MOB2: variants seen among roughly 807,000 people sequenced by gnomAD.
The protein encoded by MOB2 is MOB2 Mps One Binder homolog.
A neutral mutation model predicts 27.4 loss-of-function variants in MOB2; 14 were observed. The ratio of observed to expected loss-of-function variants is 0.51; its 90% CI spans 0.34 to 0.80. The LOEUF (loss-of-function observed/expected upper bound fraction) is 0.80, where lower values mean the gene tolerates loss of function less well. Ranked by LOEUF, MOB2 falls within the 30% of genes least tolerant of loss-of-function variation. The pLI is 0.01. For synonymous variants in MOB2, 167 were observed against 151.8 expected (o/e 1.10, Z -0.74); for missense variants, 304 against 354.6 (o/e 0.86, Z 1.15).
intron 3 of MOB2, among the ~76,000 whole-genome samples, chr11:1,476,458 C>T (rs1391449554): frequency 6.6e-6 from 1 of 152,210 alleles, no homozygotes; most frequent in African/African-American, 2.4e-5. Flanking sequence ...CTCTTTACAT[C>T]CACAGGGTTT....
At chr11:1,478,599 C>T (rs1446059649) in intron 3 of MOB2, among the ~76,000 whole-genome samples, 1 of 152,152 alleles carries the variant, frequency 6.6e-6, no homozygotes, top group Non-Finnish European at 1.5e-5. Flanking sequence ...GGATGGCTGC[C>T]AAGGGCTTTT....
intron 1 of MOB2, among the ~76,000 whole-genome samples, chr11:1,484,924 G>T (rs1176600008): frequency 6.6e-6 from 1 of 152,162 alleles, no homozygotes; most frequent in Non-Finnish European, 1.5e-5. Flanking sequence ...CAGGTCAGCA[G>T]CCCCAGACAA....
intron 3 of MOB2, among the ~76,000 whole-genome samples, chr11:1,473,813 C>A (rs142719500): frequency 6.6e-6 from 1 of 152,238 alleles, no homozygotes; most frequent in Non-Finnish European, 1.5e-5. Flanking sequence ...GGACACGCGG[C>A]GGCTTACGTG....
intron 3 of MOB2, among the ~76,000 whole-genome samples, chr11:1,473,771 CAT>C (rs1285159557): frequency 6.6e-6 from 1 of 152,256 alleles, no homozygotes; most frequent in Non-Finnish European, 1.5e-5. Context: ...TTTTTATCCA[CAT>C]GTGGACTCAC....
chr11:1,471,608 T>C (rs1237258705), intron 3 of MOB2, 189 bp from the exon 4 acceptor site: 2 of 614,594 alleles, frequency 3.3e-6, no homozygotes, highest in African/African-American at 1.9e-5. Flanking sequence ...CACTGCACTC[T>C]ATGGAGGGGT....
Position 1,486,512 on chromosome 11 carries a change from G to A in MOB2, c.45C>T (p.Pro15=), listed in dbSNP as rs886674629. ...HCSLPEDQAR[P]GQSLQSGLCC... ...AGAGTCCACTTTGCAGGGACTGGCC[G>A]GGCCGGGCTTGGTCTTCAGGGAGAC... The change falls in exon 1 of 5, where the codon CCC becomes CCT. Residue 15 remains proline (P), a synonymous_variant. Transcript: ENST00000329957. 38 of 1,534,348 alleles carry A rather than the reference G, an allele frequency of 2.5e-5. No homozygotes were observed. Among genetic ancestry groups the A allele is most frequent in the Middle Eastern group, 3.3e-4 (2 of 5,984 alleles).
rs539495100 is a variant in MOB2 at position 1,483,988 on chromosome 11, G to A, written c.110+2459C>T. 8.1e-4 allele frequency among the ~76,000 whole-genome samples: 123 copies of A among 152,278 alleles called. 6 individuals are homozygous for A. In the South Asian group the frequency reaches 0.024, roughly 30 times the overall value. ...GCAGGGGGAGCTGGGGAGTGGGCTGGGAGCCGCCCACTCCTCATCCGCCCT... is the reference window on the plus strand; with the variant it reads ...GCAGGGGGAGCTGGGGAGTGGGCTGAGAGCCGCCCACTCCTCATCCGCCCT... On this transcript the variant is annotated intron_variant, in intron 1 of 4. Transcript: ENST00000329957.
intron 3 of MOB2, among the ~76,000 whole-genome samples, chr11:1,476,034 C>A (rs1173325529): frequency 6.6e-6 from 1 of 152,174 alleles, no homozygotes; most frequent in South Asian, 2.1e-4. Flanking sequence ...CCTGGCACTG[C>A]GGCAGTGGAT....
chr11:1,475,541 C>T (rs192666395), intron 3 of MOB2, among the ~76,000 whole-genome samples: 18 of 152,334 alleles, frequency 1.2e-4, no homozygotes, highest in East Asian at 5.8e-4. Context: ...AGTGATCCAC[C>T]GCCTCAGCCT....
chr11:1,473,975 G>T (rs557802798), intron 3 of MOB2, among the ~76,000 whole-genome samples: 2 of 5,000 alleles, frequency 4.0e-4, no homozygotes, highest in East Asian at 0.5. Flanking sequence ...CAGACGTGTC[G>T]GAAGTCCACG....
intron 3 of MOB2, among the ~76,000 whole-genome samples, chr11:1,477,672 C>T (rs576573682): frequency 6.6e-6 from 1 of 152,242 alleles, no homozygotes; most frequent in East Asian, 1.9e-4. Context: ...GGTCAGTGCC[C>T]CCTTCCTGGT....
At chr11:1,474,416 GC>G (rs1847830831) in intron 3 of MOB2, among the ~76,000 whole-genome samples, 1 of 152,178 alleles carries the variant, frequency 6.6e-6, no homozygotes, top group South Asian at 2.1e-4. Flanking sequence ...GAATTTTGCT[GC>G]CTAGTGTCAG....
Position 1,486,639 on chromosome 11 carries a change from T to C in MOB2, c.-83A>G. Reference sequence around the variant, plus strand: ...CTCGCAAATGCCTGCTGCCGGGCCCTCCAGCCTCACTCCCTGGCCAATGGG... The same window carrying C: ...CTCGCAAATGCCTGCTGCCGGGCCCCCCAGCCTCACTCCCTGGCCAATGGG... On this transcript the variant is annotated 5_prime_UTR_variant, in exon 1 of 5. Coordinates refer to ENST00000329957, the MANE Select transcript of MOB2 (RefSeq NM_001172223.3). 2.2e-6 allele frequency: 2 copies of C among 890,312 alleles called. No individual in the cohort carries two copies. Among genetic ancestry groups the C allele is most frequent in the Non-Finnish European group, 3.5e-6 (2 of 572,486 alleles). The allele number at this position is 890,312 out of a possible 1,614,324, so 55.2% of individuals were successfully genotyped here.
At chr11:1,483,553 C>T (rs931593145) in intron 1 of MOB2, among the ~76,000 whole-genome samples, 4 of 152,220 alleles carry the variant, frequency 2.6e-5, no homozygotes, top group African/African-American at 9.6e-5. Context: ...TTCCTGCCTC[C>T]CACACACTCA....
chr11:1,484,149 G>A (rs562165313), intron 1 of MOB2, among the ~76,000 whole-genome samples: 10 of 152,280 alleles, frequency 6.6e-5, no homozygotes, highest in Admixed American at 2.6e-4. Flanking sequence ...ACCCCCACTC[G>A]CCCAGAGCAC....
chr11:1,480,961 C>T, intron 1 of MOB2, 76 bp from the exon 2 acceptor site: 1 of 1,517,670 alleles, frequency 6.6e-7, no homozygotes, highest in Middle Eastern at 2.2e-4. Context: ...TCAGTTGTGG[C>T]CAGCGCAGGT....
chr11:1,473,990 C>T (rs1847826353), intron 3 of MOB2, among the ~76,000 whole-genome samples: 1 of 152,214 alleles, frequency 6.6e-6, no homozygotes, highest in South Asian at 2.1e-4. Flanking sequence ...TCCACGGCTC[C>T]TCACTGCCCA....
chr11:1,478,653 G>A (rs774182792), intron 3 of MOB2, among the ~76,000 whole-genome samples: 14 of 152,334 alleles, frequency 9.2e-5, no homozygotes, highest in African/African-American at 2.6e-4. Flanking sequence ...GCATCTGCAC[G>A]TGTCTGTGAG....
intron 2 of MOB2, 58 bp from the exon 3 acceptor site, chr11:1,480,544 C>T (rs889900377): frequency 5.1e-6 from 8 of 1,580,102 alleles, no homozygotes; most frequent in Middle Eastern, 3.4e-4. Context: ...CCGCCCCGTC[C>T]ACCCCTGCTT....
Sources: allele counts gnomAD v4.1 joint callset (sites outside exome capture counted in the v4.1 genomes callset), GRCh38; gene constraint gnomAD v4.1.1; transcripts MANE v1.5; gene names NCBI Gene and HGNC (gene_info 2026-07-23, HGNC 2026-07-21).